Variants in TRIP4 observed in about 807,000 individuals in gnomAD.
The protein encoded by TRIP4 is activating signal cointegrator 1.
Under a neutral mutation model 81.8 loss-of-function variants are expected in TRIP4, and 54 were observed. The ratio of observed to expected loss-of-function variants is 0.66; its 90% CI spans 0.53 to 0.83. The LOEUF (loss-of-function observed/expected upper bound fraction) is 0.83. Among genes scored for constraint, TRIP4 ranks in the 40% least tolerant of loss-of-function variants. The pLI, the probability that TRIP4 is intolerant of heterozygous loss-of-function variation, is 0.00. For synonymous variants in TRIP4, 270 were observed against 242.8 expected, an observed-to-expected ratio of 1.11 and a Z score of -1.04; for missense variants, 662 against 683.6, an observed-to-expected ratio of 0.97 and a Z score of 0.35.
rs531633319 is a variant in TRIP4, at chr15:64,430,214, G to GA, written c.1575+4589dup. Among the ~76,000 whole-genome samples the GA allele has an allele frequency of 1.4e-3, 215 of 152,326 alleles. 2 individuals carry two copies. Among genetic ancestry groups the GA allele is most frequent in the East Asian group, 5.8e-4 (3 of 5,184 alleles). ...TGGCCAACATGACTAATTTGTGCCA[G>GA]AAAAAATTCCTCTAGATCCTCAACC... On this transcript the variant is annotated intron_variant, in intron 11 of 12. Coordinates refer to ENST00000261884, the MANE Select transcript of TRIP4 (RefSeq NM_016213.5).
At chr15:64,421,878 T>C (rs1390393623) in intron 9 of TRIP4, among the ~76,000 whole-genome samples, 1 of 152,018 alleles carries the variant, frequency 6.6e-6, no homozygotes, top group East Asian at 1.9e-4. Context: ...ACCCCATCTC[T>C]ACTAAAAATA....
intron 11 of TRIP4, among the ~76,000 whole-genome samples, chr15:64,439,275 G>A (rs1183030851): frequency 1.3e-5 from 2 of 151,994 alleles, no homozygotes; most frequent in Admixed American, 1.3e-4. Flanking sequence ...ATGCTTCCTT[G>A]GATCTGTTCT....
chr15:64,451,304 G>A (rs977371503), intron 12 of TRIP4, among the ~76,000 whole-genome samples: 2 of 151,412 alleles, frequency 1.3e-5, no homozygotes, highest in Non-Finnish European at 2.9e-5. Flanking sequence ...GTAGAGACGG[G>A]GTTTCGCCAT....
rs772650017 is a variant in TRIP4 at position 64,455,064 on chromosome 15, A to G, written c.1746A>G (p.Ter582TrpextTer31). 1.2e-6 allele frequency: 2 copies of G among 1,614,020 alleles called. No homozygotes were observed. Among genetic ancestry groups the G allele is most frequent in the South Asian group, 2.2e-5 (2 of 91,076 alleles). ...KGLMKQNKAV[*>W] ...TAATGAAGCAGAATAAAGCTGTCTG[A>G]CCCAGGAGAAAAGGAACTATACAGC... Residue 582 changes from the stop codon to tryptophan (W), a stop_lost, in exon 13 of 13, where the codon TGA (stop) becomes TGG (tryptophan). Transcript: ENST00000261884.
intron 7 of TRIP4, among the ~76,000 whole-genome samples, chr15:64,412,566 A>T (rs1891790951): frequency 6.6e-6 from 1 of 152,118 alleles, no homozygotes; most frequent in South Asian, 2.1e-4. Context: ...TTAAAAAAAA[A>T]AAAAAAGCCT....
At chr15:64,420,307 G>A (rs1161083080) in intron 9 of TRIP4, among the ~76,000 whole-genome samples, 2 of 151,338 alleles carry the variant, frequency 1.3e-5, no homozygotes, top group African/African-American at 4.9e-5. Flanking sequence ...TTTTAGTAGA[G>A]ACGAGGTTTC....
intron 11 of TRIP4, among the ~76,000 whole-genome samples, chr15:64,435,213 CAAAAAAAAA>C (rs35216763): frequency 5.9e-5 from 3 of 50,424 alleles, no homozygotes; most frequent in South Asian, 1.3e-3. Context: ...GACCCCATCT[CAAAAAAAAA>C]AAAAAAAAAA....
rs1387475926 is a variant in TRIP4, at chr15:64,397,589, A to G, written c.406-17A>G. On this transcript the variant is annotated splice_polypyrimidine_tract_variant and intron_variant, in intron 3 of 12. Transcript: ENST00000261884. ...TCATTAATTATTTGATGTTATTTTG[A>G]TGTCTTTGTACGATAGGCACAAGAG... 1 of 1,602,946 alleles carries G rather than the reference A, an allele frequency of 6.2e-7. No homozygotes were observed. The highest frequency in any genetic ancestry group is 1.3e-5 in the African/African-American group (1 of 74,602).
In TRIP4 at chr15:64,406,352, G is replaced by A; in HGVS notation, c.720G>A (p.Val240=). Residue 240 remains valine, a synonymous_variant, in exon 6 of 13, where the codon GTG becomes GTA. Coordinates refer to ENST00000261884, the MANE Select transcript of TRIP4 (RefSeq NM_016213.5). ...LMSGVENSGK[V]DISTKDLLPH... is the part of the protein sequence containing the mutation. ...CAGGAGTGGAGAATTCTGGAAAGGT[G>A]GACATCTCTACCAAGGACCTTCTTC... The A allele has an allele frequency of 1.9e-6, 3 of 1,613,960 alleles. No individual in the cohort carries two copies. The highest frequency in any genetic ancestry group is 1.1e-5 in the South Asian group (1 of 91,032).
At chr15:64,390,810 G>A (rs1176521035) in intron 1 of TRIP4, among the ~76,000 whole-genome samples, 1 of 151,130 alleles carries the variant, frequency 6.6e-6, no homozygotes, top group Non-Finnish European at 1.5e-5. Context: ...CAGGAGAATC[G>A]CTTGAACCCA....
intron 11 of TRIP4, among the ~76,000 whole-genome samples, chr15:64,426,065 C>T (rs1055663685): frequency 1.3e-5 from 2 of 151,232 alleles, no homozygotes; most frequent in Non-Finnish European, 3.0e-5. Context: ...CCTGGGCAAC[C>T]GAGTGAGATT....
In TRIP4 at chr15:64,397,603, T is replaced by C. The variant is rs1900330858; in HGVS notation, c.406-3T>C. ...ATGTTATTTTGATGTCTTTGTACGATAGGCACAAGAGAACAGCAACTCCGT... is the reference window on the plus strand; with the variant it reads ...ATGTTATTTTGATGTCTTTGTACGACAGGCACAAGAGAACAGCAACTCCGT... On this transcript the variant is annotated splice_polypyrimidine_tract_variant and splice_region_variant and intron_variant, in intron 3 of 12. Transcript: ENST00000261884. The C allele has an allele frequency of 2.5e-6, 4 of 1,609,880 alleles. No individual in the cohort carries two copies. In the South Asian group the frequency reaches 4.4e-5, roughly 18 times the overall value.
intron 5 of TRIP4, among the ~76,000 whole-genome samples, chr15:64,402,522 CATT>C (rs773621027): frequency 2.8e-4 from 40 of 140,526 alleles, no homozygotes; most frequent in Admixed American, 4.4e-4. Context: ...GCCCGGCCAA[CATT>C]TTTTTTTTTT....
chr15:64,387,973 A>G lies in TRIP4; in HGVS notation c.101+9A>G, dbSNP rs368033784. ...AGCGAGGAGATCATTCAGTGAGAAC[A>G]GTTCGGGTCCAAGCGGGGAAGGAGC... On this transcript the variant is annotated intron_variant, in intron 1 of 12. Coordinates refer to ENST00000261884, the MANE Select transcript of TRIP4 (RefSeq NM_016213.5). 4 of 1,546,116 alleles carry G rather than the reference A, an allele frequency of 2.6e-6. No homozygotes were observed. The highest frequency in any genetic ancestry group is 3.5e-6 in the Non-Finnish European group (4 of 1,143,680).
intron 7 of TRIP4, among the ~76,000 whole-genome samples, chr15:64,413,287 C>T (rs1891811101): frequency 6.6e-6 from 1 of 151,898 alleles, no homozygotes; most frequent in African/African-American, 2.4e-5. Context: ...CTCAAGTGAT[C>T]CTCCCATCTC....
Position 64,414,348 on chromosome 15 carries a change from A to G in TRIP4, c.1170+137A>G, listed in dbSNP as rs1002924902. 4 of 1,129,850 alleles carry G rather than the reference A, an allele frequency of 3.5e-6. No individual in the cohort carries two copies. The African/African-American group carries it at 4.6e-5, about 13-fold the overall frequency. 70.0% of individuals were successfully genotyped at this position (1,129,850 alleles called of 1,614,324 possible). ...CTGTACCAATCAGCTCTCTCAACAC[A>G]CCTGCCAACCTTATTCTCTGGCCCA... On this transcript the variant is annotated intron_variant, in intron 8 of 12. Transcript: ENST00000261884.
chr15:64,451,853 AT>A (rs1892771348), intron 12 of TRIP4, among the ~76,000 whole-genome samples: 1 of 150,186 alleles, frequency 6.7e-6, no homozygotes, highest in South Asian at 2.1e-4. Context: ...GGGTTTCACC[AT>A]TTTGACCAGG....
intron 12 of TRIP4, among the ~76,000 whole-genome samples, chr15:64,445,965 T>C (rs1338160290): frequency 1.3e-5 from 2 of 152,142 alleles, no homozygotes; most frequent in Non-Finnish European, 2.9e-5. Context: ...ATTTATTCAT[T>C]GTTCAGTATT....
At chr15:64,388,181 G>T in intron 1 of TRIP4, 2 of 761,870 alleles carry the variant, frequency 2.6e-6, no homozygotes, top group Non-Finnish European at 1.8e-6. Flanking sequence ...CTTTTTTCCT[G>T]GGAAGACGCC....
Sources: allele counts gnomAD v4.1 joint callset (sites outside exome capture counted in the v4.1 genomes callset), GRCh38; gene constraint gnomAD v4.1.1; transcripts MANE v1.5; gene names NCBI Gene and HGNC (gene_info 2026-07-23, HGNC 2026-07-21).